Variants in VPS50 observed in about 807,000 individuals in gnomAD.
The protein encoded by VPS50 is syndetin.
In VPS50, 70 loss-of-function variants were observed where a neutral mutation model predicts 139.7. That is an observed-to-expected ratio of 0.50 (90% CI 0.41 to 0.61). The LOEUF (loss-of-function observed/expected upper bound fraction) is 0.61, where lower values mean the gene tolerates loss of function less well. Among genes scored for constraint, VPS50 ranks in the 20% least tolerant of loss-of-function variants. The pLI, the probability that VPS50 is intolerant of heterozygous loss-of-function variation, is 0.00. For missense variants in VPS50, 921 were observed against 1,133.7 expected (o/e 0.81, Z 2.69); for synonymous variants, 365 against 376.7 (o/e 0.97, Z 0.36).
chr7:93,346,991 A>G (rs1332972886), intron 23 of VPS50, among the ~76,000 whole-genome samples: 10 of 141,420 alleles, frequency 7.1e-5, no homozygotes, highest in Non-Finnish European at 1.4e-4. Context: ...TAATTAAACT[A>G]AAGAGCTTCT....
In VPS50 at chr7:93,256,580, A is replaced by AT. The variant is rs770431841; in HGVS notation, c.351+24dup. ...ATGTAAAGGTAGGATAATATTTGTTATTTTTTGTAGTAGAATTTTTAAATG... is the reference window on the plus strand; with the variant it reads ...ATGTAAAGGTAGGATAATATTTGTTATTTTTTTGTAGTAGAATTTTTAAATG... On this transcript the variant is annotated intron_variant, in intron 5 of 27. Transcript: ENST00000305866. The AT allele has an allele frequency of 9.6e-6, 13 of 1,354,728 alleles. No homozygotes were observed. The highest frequency in any genetic ancestry group is 5.1e-5 in the East Asian group (2 of 39,546). The allele number at this position is 1,354,728 out of a possible 1,614,324, so 83.9% of individuals were successfully genotyped here.
Position 93,300,037 on chromosome 7 carries a change from GAAGA to G in VPS50, c.1361+2795_1361+2798del, listed in dbSNP as rs1287440628. On this transcript the variant is annotated intron_variant, in intron 16 of 27. Coordinates refer to ENST00000305866, the MANE Select transcript of VPS50 (RefSeq NM_017667.4). ...CTTAAAGTGGCATTGACTGGTGTTA[GAAGA>G]GAGAAGTCACCTATCTTTTTAGAAG... Among the ~76,000 whole-genome samples, 8 of 152,230 alleles carry G rather than the reference GAAGA, an allele frequency of 5.3e-5. No individual in the cohort carries two copies. In the East Asian group the frequency reaches 1.5e-3, roughly 29 times the overall value.
intron 13 of VPS50, among the ~76,000 whole-genome samples, chr7:93,292,733 G>A (rs1796687031): frequency 6.6e-6 from 1 of 152,066 alleles, no homozygotes; most frequent in South Asian, 2.1e-4. Context: ...GAAGGCATAG[G>A]TTTAATCTTT....
At chr7:93,260,539 AT>A (rs1795632945) in intron 9 of VPS50, among the ~76,000 whole-genome samples, 1 of 152,190 alleles carries the variant, frequency 6.6e-6, no homozygotes, top group Non-Finnish European at 1.5e-5. Flanking sequence ...GTTTGAATTA[AT>A]TTTTAAAAAA....
chr7:93,334,511 G>A (rs1451306573), intron 22 of VPS50, among the ~76,000 whole-genome samples: 3 of 152,280 alleles, frequency 2.0e-5, no homozygotes, highest in Admixed American at 1.3e-4. Context: ...ACCAGGCATA[G>A]GATTAATGGG....
chr7:93,345,037 G>A (rs1401611481), intron 23 of VPS50, among the ~76,000 whole-genome samples: 8 of 152,180 alleles, frequency 5.3e-5, no homozygotes, highest in Non-Finnish European at 1.2e-4. Context: ...AACGAATCCA[G>A]GAGCTGGTTT....
intron 16 of VPS50, among the ~76,000 whole-genome samples, chr7:93,302,320 A>G (rs1032788220): frequency 1.2e-4 from 18 of 147,296 alleles, no homozygotes; most frequent in Non-Finnish European, 2.1e-4. Flanking sequence ...ACTATCTCAC[A>G]TCTCTCTTAT....
chr7:93,360,832 A>C lies in VPS50; in HGVS notation c.*2396A>C, dbSNP rs748406832. ...TGCTAGGGGGGCACATAGCAATTCA[A>C]ATGAACTAGTTTGCTTTGGTTTATA... is the stretch of plus-strand genomic sequence containing the variant. On this transcript the variant is annotated 3_prime_UTR_variant, in exon 28 of 28. Transcript: ENST00000305866. 2 of 152,058 alleles carry C rather than the reference A, an allele frequency of 1.3e-5. No individual in the cohort carries two copies. Among genetic ancestry groups the C allele is most frequent in the African/African-American group, 4.8e-5 (2 of 41,432 alleles). 9.4% of individuals were successfully genotyped at this position (152,058 alleles called of 1,614,324 possible). A position where few individuals can be genotyped will look rare whatever the true frequency, so the allele number is the denominator to read the frequency against.
intron 12 of VPS50, among the ~76,000 whole-genome samples, chr7:93,291,079 G>C (rs1298508667): frequency 6.6e-6 from 1 of 151,966 alleles, no homozygotes; most frequent in Non-Finnish European, 1.5e-5. Context: ...AAAATAAAAG[G>C]GCAGAATGGC....
chr7:93,287,852 G>A (rs762642554), intron 12 of VPS50, among the ~76,000 whole-genome samples: 3 of 152,032 alleles, frequency 2.0e-5, no homozygotes, highest in East Asian at 3.9e-4. Context: ...ATTGGCTTTC[G>A]TCATATGTGT....
At chr7:93,347,953 G>A (rs1798449572) in intron 23 of VPS50, among the ~76,000 whole-genome samples, 1 of 150,624 alleles carries the variant, frequency 6.6e-6, no homozygotes, top group Admixed American at 6.6e-5. Flanking sequence ...TTGTGCACAT[G>A]TACCCTAAAA....
intron 2 of VPS50, among the ~76,000 whole-genome samples, chr7:93,248,179 G>A (rs566814624): frequency 6.6e-6 from 1 of 151,798 alleles, no homozygotes; most frequent in African/African-American, 2.4e-5. Context: ...GACTTAGTTT[G>A]AATATCTAAT....
At chr7:93,239,187 C>T (rs1794906169) in intron 1 of VPS50, among the ~76,000 whole-genome samples, 1 of 152,046 alleles carries the variant, frequency 6.6e-6, no homozygotes, top group Non-Finnish European at 1.5e-5. Flanking sequence ...ATGTCTGCTT[C>T]GAATAGCCTA....
chr7:93,271,045 T>G, intron 9 of VPS50, 175 bp from the exon 10 acceptor site: 1 of 983,848 alleles, frequency 1.0e-6, no homozygotes, highest in Admixed American at 4.5e-5. Flanking sequence ...TGACTCTTAT[T>G]CCCTTCTAAT....
rs1798780544 is a variant in VPS50 at position 93,358,944 on chromosome 7, A to T, written c.*508A>T. On this transcript the variant is annotated 3_prime_UTR_variant, in exon 28 of 28. Coordinates refer to ENST00000305866, the MANE Select transcript of VPS50 (RefSeq NM_017667.4). ...ATGTTCTCTGTTTTTAAAATGTCAA[A>T]GTTTATGTCAGGGTTAATTTAGTTA... 6.5e-6 allele frequency: 1 copy of T among 153,346 alleles called. No individual in the cohort carries two copies. Among genetic ancestry groups the T allele is most frequent in the Non-Finnish European group, 1.5e-5 (1 of 68,814 alleles). 9.5% of individuals were successfully genotyped at this position (153,346 alleles called of 1,614,324 possible).
At chr7:93,252,980 AG>A (rs1400849143) in intron 3 of VPS50, among the ~76,000 whole-genome samples, 2 of 152,186 alleles carry the variant, frequency 1.3e-5, no homozygotes, top group African/African-American at 4.8e-5. Flanking sequence ...ACAACCGTTC[AG>A]GGAAACATTT....
intron 3 of VPS50, 96 bp from the exon 4 acceptor site, chr7:93,253,764 C>T: frequency 1.5e-6 from 1 of 669,186 alleles, no homozygotes; most frequent in Non-Finnish European, 2.7e-6. Flanking sequence ...GTTTTGTATG[C>T]ACAGTTTGTA....
intron 12 of VPS50, among the ~76,000 whole-genome samples, chr7:93,287,933 C>G (rs1006216668): frequency 6.6e-6 from 1 of 152,108 alleles, no homozygotes; most frequent in Non-Finnish European, 1.5e-5. Flanking sequence ...TGTTCTCACG[C>G]TGCTAATAAA....
chr7:93,288,862 G>A (rs1404168802), intron 12 of VPS50, among the ~76,000 whole-genome samples: 1 of 152,036 alleles, frequency 6.6e-6, no homozygotes, highest in African/African-American at 2.4e-5. Context: ...GTCGGTCCAC[G>A]TGAAACCCAT....
Sources: gnomAD v4.1 joint callset for allele counts (sites outside exome capture counted in the v4.1 genomes callset) on GRCh38, gnomAD v4.1.1 for gene constraint, MANE v1.5 for transcripts, NCBI Gene and HGNC (gene_info 2026-07-23, HGNC 2026-07-21) for gene names.